APAF1: variants seen among roughly 807,000 people sequenced by gnomAD.
The protein encoded by APAF1 is apoptotic protease-activating factor 1.
Under a neutral mutation model 152.4 loss-of-function variants are expected in APAF1, and 91 were observed. The ratio of observed to expected loss-of-function variants is 0.60; its 90% CI spans 0.50 to 0.71. The LOEUF (loss-of-function observed/expected upper bound fraction) is 0.71. Ranked by LOEUF, APAF1 falls within the 30% of genes least tolerant of loss-of-function variation. The pLI, the probability that APAF1 is intolerant of heterozygous loss-of-function variation, is 0.00. For missense variants in APAF1, 1,283 were observed against 1,472.0 expected, an observed-to-expected ratio of 0.87 and a Z score of 2.10; for synonymous variants, 484 against 494.1, an observed-to-expected ratio of 0.98 and a Z score of 0.27.
chr12:98,705,276 T>G lies in APAF1; in HGVS notation c.2596-1209T>G, dbSNP rs375590239. ...TTCTTGAAATGTAGGGACTCAGCTC[T>G]GGAGGCTCTGAGTGACAAAGAAATG... On this transcript the variant is annotated intron_variant, in intron 18 of 26. Transcript: ENST00000551964. Among the ~76,000 whole-genome samples the G allele has an allele frequency of 1.1e-4, 17 of 152,278 alleles. No homozygotes were observed. In the East Asian group the frequency reaches 2.7e-3, roughly 24 times the overall value.
chr12:98,702,841 C>CA (rs201068873), intron 17 of APAF1, among the ~76,000 whole-genome samples: 11,312 of 80,868 alleles, frequency 0.14, 562 homozygotes, highest in African/African-American at 0.21. Flanking sequence ...AAGTCTGTCT[C>CA]AAAAAAAAAA....
At chr12:98,707,947 A>G (rs1173438969) in intron 19 of APAF1, among the ~76,000 whole-genome samples, 1 of 152,014 alleles carries the variant, frequency 6.6e-6, no homozygotes, top group Non-Finnish European at 1.5e-5. Flanking sequence ...TCTGGTACAA[A>G]CTTCTTTTTG....
intron 24 of APAF1, among the ~76,000 whole-genome samples, chr12:98,724,769 G>A (rs1188543627): frequency 6.6e-6 from 1 of 152,110 alleles, no homozygotes; most frequent in Non-Finnish European, 1.5e-5. Context: ...ACTTTTCAAG[G>A]ATAGTGACTG....
chr12:98,725,975 C>T (rs2097749888), intron 25 of APAF1, among the ~76,000 whole-genome samples: 1 of 152,144 alleles, frequency 6.6e-6, no homozygotes, highest in Admixed American at 6.5e-5. Flanking sequence ...ATTTGATAGC[C>T]ATTTCCAGTG....
chr12:98,697,562 G>A (rs972605429), intron 16 of APAF1, among the ~76,000 whole-genome samples: 11 of 152,098 alleles, frequency 7.2e-5, no homozygotes, highest in African/African-American at 2.4e-4. Flanking sequence ...TTTGATTTCC[G>A]TATTCATGTA....
intron 12 of APAF1, among the ~76,000 whole-genome samples, chr12:98,674,587 ATACTAGTCC>A (rs2097684577): frequency 6.6e-6 from 1 of 152,198 alleles, no homozygotes; most frequent in South Asian, 2.1e-4. Flanking sequence ...GTTTTCTCTC[ATACTAGTCC>A]ATGTGTTCTG....
chr12:98,703,327 T>C (rs767264865), intron 17 of APAF1, 44 bp from the exon 18 acceptor site: 1 of 1,606,910 alleles, frequency 6.2e-7, no homozygotes, highest in Non-Finnish European at 8.5e-7. Context: ...AGCTTATCTC[T>C]TAAAGTATTT....
intron 1 of APAF1, among the ~76,000 whole-genome samples, chr12:98,647,337 A>C (rs980253247): frequency 5.9e-5 from 9 of 151,942 alleles, no homozygotes; most frequent in South Asian, 4.1e-4. Flanking sequence ...TCGATGAATA[A>C]ACTTCTAAAC....
chr12:98,655,404 G>A (rs2097655655), intron 4 of APAF1, among the ~76,000 whole-genome samples: 1 of 150,820 alleles, frequency 6.6e-6, no homozygotes, highest in African/African-American at 2.4e-5. Flanking sequence ...CAGTAGGGGC[G>A]GCCGGGCAGA....
chr12:98,727,668 C>T (rs984368731), intron 26 of APAF1, among the ~76,000 whole-genome samples: 4 of 152,068 alleles, frequency 2.6e-5, no homozygotes, highest in East Asian at 3.9e-4. Context: ...AAGCCAGGCA[C>T]GGTGGCTCAC....
At position 98,650,606 on chromosome 12, in the gene APAF1, G is replaced by C. The variant is rs139795949; in HGVS notation, c.526+922G>C. ...AGCCTCTAAGAGACTTAGAAATATG[G>C]AGGCTAGGGTATATCTATGTGTACA... On this transcript the variant is annotated intron_variant, in intron 4 of 26. Transcript: ENST00000551964. Among the ~76,000 whole-genome samples the C allele has an allele frequency of 2.5e-3, 376 of 152,158 alleles. 3 individuals carry two copies. The highest frequency in any genetic ancestry group is 7.7e-3 in the African/African-American group (319 of 41,502).
chr12:98,715,237 TA>T (rs1796035097), intron 21 of APAF1, among the ~76,000 whole-genome samples, 189 bp from the exon 22 acceptor site: 2 of 5,076 alleles, frequency 3.9e-4, no homozygotes, highest in East Asian at 0.023. Flanking sequence ...ATGGTGTGCA[TA>T]TATATATATA....
At position 98,667,535 on chromosome 12, in the gene APAF1, C is replaced by T. The variant is rs1338493851; in HGVS notation, c.1385C>T (p.Thr462Ile). The change falls in exon 10 of 27, where the codon ACT becomes ATT. Residue 462 changes from threonine (T) to isoleucine (I), a missense_variant. Physicochemically the swap from Thr to Ile is moderately conservative, Grantham distance 89 (BLOSUM62 -1). Transcript: ENST00000551964. Reference sequence around the variant, plus strand: ...CAGGATCTACATAAGAAGATAATCACTCAGTTTCAGAGATATCACCAGCCG... The same window carrying T: ...CAGGATCTACATAAGAAGATAATCATTCAGTTTCAGAGATATCACCAGCCG... ...QLQDLHKKIITQFQRYHQPHT... is the reference protein window; with the variant it reads ...QLQDLHKKIIIQFQRYHQPHT... 3 of 1,613,976 alleles carry T rather than the reference C, an allele frequency of 1.9e-6. No individual in the cohort carries two copies. Among genetic ancestry groups the T allele is most frequent in the Non-Finnish European group, 2.5e-6 (3 of 1,179,974 alleles).
intron 7 of APAF1, among the ~76,000 whole-genome samples, chr12:98,663,276 C>G (rs1436156523): frequency 6.6e-6 from 1 of 152,048 alleles, no homozygotes; most frequent in Non-Finnish European, 1.5e-5. Flanking sequence ...ACTCACTTTT[C>G]TTTTTTGATA....
At chr12:98,694,944 G>A (rs140318784) in intron 16 of APAF1, among the ~76,000 whole-genome samples, 8 of 148,000 alleles carry the variant, frequency 5.4e-5, no homozygotes, top group Admixed American at 5.4e-4. Flanking sequence ...GCACCATCTC[G>A]GCTCACTGCA....
rs1342264123 is a variant in APAF1 at position 98,727,320 on chromosome 12, A to G, written c.3600+4A>G. The G allele has an allele frequency of 2.0e-5, 32 of 1,613,940 alleles. No homozygotes were observed. The highest frequency in any genetic ancestry group is 2.5e-5 in the Non-Finnish European group (30 of 1,179,972). On this transcript the variant is annotated splice_donor_region_variant and intron_variant, in intron 26 of 26. Transcript: ENST00000551964. ...CTCTGCTGGAGGATATATTAAGGTA[A>G]GAGTTCCCCAAGAACTGTGAAAGAA...
chr12:98,704,428 A>AGCCAT, intron 18 of APAF1, among the ~76,000 whole-genome samples: 1 of 152,328 alleles, frequency 6.6e-6, no homozygotes, highest in East Asian at 1.9e-4. Context: ...TCATCAAGGG[A>AGCCAT]GCCATGACTA....
intron 18 of APAF1, 64 bp from the exon 19 acceptor site, chr12:98,706,421 A>G (rs559596107): frequency 2.6e-5 from 40 of 1,557,528 alleles, no homozygotes; most frequent in African/African-American, 4.1e-5. Flanking sequence ...GCTATTTTCA[A>G]TATTTTTGCT....
chr12:98,662,218 T>C (rs962397487), intron 5 of APAF1, among the ~76,000 whole-genome samples: 1 of 150,108 alleles, frequency 6.7e-6, no homozygotes, highest in African/African-American at 2.4e-5. Flanking sequence ...GTAATTTTAA[T>C]ATGTTCTGAT....
Sources: gnomAD v4.1 joint callset for allele counts (sites outside exome capture counted in the v4.1 genomes callset) on GRCh38, gnomAD v4.1.1 for gene constraint, MANE v1.5 for transcripts, NCBI Gene and HGNC (gene_info 2026-07-23, HGNC 2026-07-21) for gene names.